OTULIN: variants seen among roughly 807,000 people sequenced by gnomAD.
The protein encoded by OTULIN is ubiquitin thioesterase otulin.
OTULIN carries 15 observed loss-of-function variants against 39.6 expected under a neutral mutation model. The observed-to-expected ratio is 0.38, with a 90% CI of 0.25 to 0.58. OTULIN has a LOEUF of 0.58. Among genes scored for constraint, OTULIN ranks in the 20% least tolerant of loss-of-function variants. The pLI is 0.66. For synonymous variants in OTULIN, 156 were observed against 170.3 expected (o/e 0.92, Z 0.65); for missense variants, 319 against 445.9 (o/e 0.72, Z 2.56).
At position 14,664,837 on chromosome 5, in the gene OTULIN, G is replaced by A. The variant is rs778927727; in HGVS notation, c.12G>A (p.Gly4=). 95 of 1,218,976 alleles carry A rather than the reference G, an allele frequency of 7.8e-5. No homozygotes were observed. The highest frequency in any genetic ancestry group is 9.5e-5 in the Non-Finnish European group (93 of 978,310). 75.5% of individuals were successfully genotyped at this position (1,218,976 alleles called of 1,614,324 possible). The change falls in exon 1 of 7, where the codon GGG becomes GGA. Residue 4 remains glycine, a synonymous_variant. Coordinates refer to ENST00000284274, the MANE Select transcript of OTULIN (RefSeq NM_138348.6). ...CCGCGAGCGACCGCATGAGTCGGGG[G>A]ACTATGCCCCAGCCCGAAGCGTGGC... MSR[G]TMPQPEAWPG...
the OTULIN span, among the ~76,000 whole-genome samples, chr5:14,715,425 C>G: frequency 6.6e-6 from 1 of 152,082 alleles, no homozygotes. Context: ...GCCACTGCGC[C>G]CGGCCCATGG....
chr5:14,708,482 A>G, the OTULIN span: 1 of 152,238 alleles, frequency 6.6e-6, no homozygotes, highest in African/African-American at 2.4e-5. Context: ...CTTTGGTCAC[A>G]AAAGTCAAAA....
chr5:14,716,009 T>C, the OTULIN span, among the ~76,000 whole-genome samples: 5 of 152,098 alleles, frequency 3.3e-5, no homozygotes, highest in Non-Finnish European at 7.4e-5. Context: ...TTTTTCTTTT[T>C]TTGATTTCAC....
intron 1 of OTULIN, among the ~76,000 whole-genome samples, chr5:14,666,308 A>G (rs1260381555): frequency 6.6e-6 from 1 of 152,252 alleles, no homozygotes; most frequent in African/African-American, 2.4e-5. Context: ...AAAACAGACA[A>G]TGATAGGAAG....
intron 2 of OTULIN, among the ~76,000 whole-genome samples, chr5:14,677,424 C>T (rs1736131817): frequency 6.6e-6 from 1 of 152,138 alleles, no homozygotes; most frequent in African/African-American, 2.4e-5. Context: ...TTGTAAGGTA[C>T]TTCTGCATTC....
chr5:14,693,068 GC>G lies in OTULIN; in HGVS notation c.*22del. The G allele has an allele frequency of 6.3e-7, 1 of 1,580,142 alleles. No homozygotes were observed. Among genetic ancestry groups the G allele is most frequent in the Non-Finnish European group, 8.6e-7 (1 of 1,159,048 alleles). ...CTATGAGAGACGCATGCTCCTGACA[GC>G]CTGGCGACGTGGCGAAGATGCACAG... On this transcript the variant is annotated 3_prime_UTR_variant, in exon 7 of 7. Transcript: ENST00000284274.
At chr5:14,681,897 ATTTT>A (rs1736260990) in intron 4 of OTULIN, among the ~76,000 whole-genome samples, 1 of 152,226 alleles carries the variant, frequency 6.6e-6, no homozygotes, top group South Asian at 2.1e-4. Flanking sequence ...TTTGGTGTTT[ATTTT>A]AAGTAGGCTG....
intron 4 of OTULIN, among the ~76,000 whole-genome samples, chr5:14,682,628 A>G (rs948505929): frequency 6.6e-6 from 1 of 152,200 alleles, no homozygotes; most frequent in African/African-American, 2.4e-5. Flanking sequence ...AAAGAAAAAG[A>G]TGTTAGGATT....
chr5:14,711,458 G>GC, the OTULIN span: 2 of 686,542 alleles, frequency 2.9e-6, no homozygotes, highest in South Asian at 3.3e-5. Flanking sequence ...CACCTCTTTT[G>GC]CATCTTAGCT....
the OTULIN span, chr5:14,713,533 T>A: frequency 6.2e-7 from 1 of 1,613,982 alleles, no homozygotes; most frequent in Non-Finnish European, 8.5e-7. This position sits in a 1 kb window ranked among gnomAD's most constrained non-coding sequence, Gnocchi z 4.4. Context: ...CCAAACTCCC[T>A]GACAACATAC....
At chr5:14,669,600 T>A (rs1335316013) in intron 1 of OTULIN, among the ~76,000 whole-genome samples, 1 of 152,046 alleles carries the variant, frequency 6.6e-6, no homozygotes, top group Non-Finnish European at 1.5e-5. Context: ...AGTGAGACCC[T>A]GACTCTATAA....
At chr5:14,688,324 C>G (rs540867956) in intron 5 of OTULIN, among the ~76,000 whole-genome samples, 1 of 152,078 alleles carries the variant, frequency 6.6e-6, no homozygotes, top group African/African-American at 2.4e-5. Flanking sequence ...CTGTCACTTG[C>G]GCCAGGGTGT....
Position 14,693,158 on chromosome 5 carries a change from TG to T in OTULIN, c.*113del, listed in dbSNP as rs757651732. ...AAGAACAATCTCTGAGAAGAACCCT[TG>T]GGCCCCTGGGAGCCAAGTTGGACAG... On this transcript the variant is annotated 3_prime_UTR_variant, in exon 7 of 7. Coordinates refer to ENST00000284274, the MANE Select transcript of OTULIN (RefSeq NM_138348.6). 31 of 1,081,822 alleles carry T rather than the reference TG, an allele frequency of 2.9e-5. No homozygotes were observed. The highest frequency in any genetic ancestry group is 4.0e-5 in the Non-Finnish European group (31 of 769,508). 67.0% of individuals were successfully genotyped at this position (1,081,822 alleles called of 1,614,324 possible).
chr5:14,696,250 A>G lies in OTULIN; in HGVS notation c.*3202A>G, dbSNP rs961405580. 1 of 152,254 alleles carries G rather than the reference A, an allele frequency of 6.6e-6. No individual in the cohort carries two copies. The highest frequency in any genetic ancestry group is 1.5e-5 in the Non-Finnish European group (1 of 68,048). 9.4% of individuals were successfully genotyped at this position (152,254 alleles called of 1,614,324 possible). A position where few individuals can be genotyped will look rare whatever the true frequency, so the allele number is the denominator to read the frequency against. ...AATGATACAGCACTTCTGCCATCTC[A>G]GCATCTACATAGGACTTACATAGAC... On this transcript the variant is annotated 3_prime_UTR_variant, in exon 7 of 7. Transcript: ENST00000284274.
the OTULIN span, chr5:14,709,827 G>A: frequency 4.6e-5 from 7 of 152,564 alleles, no homozygotes; most frequent in Non-Finnish European, 7.3e-5. Flanking sequence ...TTGTATTAGA[G>A]ACATTTTATT....
At chr5:14,711,146 G>GAAGTGTCATCCTGACTGACTGTC in the OTULIN span, 5 of 1,434,876 alleles carry the variant, frequency 3.5e-6, no homozygotes, top group African/African-American at 5.6e-5. Context: ...AGATGATGCC[G>GAAGTGTCATCCTGACTGACTGTC]AAGTGTCATC....
the OTULIN span, among the ~76,000 whole-genome samples, chr5:14,712,182 C>G: frequency 2.0e-5 from 3 of 152,218 alleles, no homozygotes; most frequent in Non-Finnish European, 4.4e-5. Context: ...GAAGCCCAAC[C>G]GCAGGGGACA....
chr5:14,683,597 A>G (rs951730033), intron 4 of OTULIN, among the ~76,000 whole-genome samples: 2 of 151,810 alleles, frequency 1.3e-5, no homozygotes, highest in African/African-American at 4.8e-5. Context: ...GTGTATACCT[A>G]TGTTCTTAGC....
At chr5:14,716,022 TTTAAA>T in the OTULIN span, among the ~76,000 whole-genome samples, 17 of 151,732 alleles carry the variant, frequency 1.1e-4, no homozygotes, top group African/African-American at 3.4e-4. Context: ...GATTTCACTT[TTTAAA>T]TTAAAGTATT....
Sources: allele counts gnomAD v4.1 joint callset (sites outside exome capture counted in the v4.1 genomes callset), GRCh38; gene constraint gnomAD v4.1.1; non-coding constraint Gnocchi (gnomAD v3.1); transcripts MANE v1.5; gene names NCBI Gene and HGNC (gene_info 2026-07-23, HGNC 2026-07-21).